The following TBCEL variants were observed in gnomAD, a reference collection of about 807,000 sequenced individuals.
TBCEL encodes the protein tubulin-specific chaperone cofactor E-like protein.
TBCEL carries 15 observed loss-of-function variants against 44.2 expected under a neutral mutation model. The observed-to-expected ratio is 0.34, with a 90% CI of 0.23 to 0.52. The LOEUF (loss-of-function observed/expected upper bound fraction) is 0.52, where lower values mean the gene tolerates loss of function less well. Ranked by LOEUF, TBCEL falls within the 20% of genes least tolerant of loss-of-function variation. The pLI, the probability that TBCEL is intolerant of heterozygous loss-of-function variation, is 0.95. For synonymous variants in TBCEL, 171 were observed against 185.4 expected, an observed-to-expected ratio of 0.92 and a Z score of 0.63; for missense variants, 319 against 506.3, an observed-to-expected ratio of 0.63 and a Z score of 3.55.
chr11:121,068,008 G>A (rs991528696), intron 8 of TBCEL, among the ~76,000 whole-genome samples: 1 of 152,156 alleles, frequency 6.6e-6, no homozygotes, highest in Admixed American at 6.5e-5. Flanking sequence ...AGTTACCCCA[G>A]GACTTAGTCC....
chr11:121,054,964 C>T (rs1945594210), intron 5 of TBCEL, 88 bp from the exon 6 acceptor site: 2 of 1,331,170 alleles, frequency 1.5e-6, no homozygotes, highest in East Asian at 5.0e-5. Flanking sequence ...ATAGTAGGCA[C>T]TTACTTATTT....
At position 121,084,696 on chromosome 11, in the gene TBCEL, A is replaced by G. The variant is rs1011857869; in HGVS notation, c.957-2082A>G. The stretch of plus-strand genomic sequence containing the variant: ...TAGGGTATTACAATTTTACTTTTCC[A>G]TAGTCTGAAGGTAAAACATCTCTAG... On this transcript the variant is annotated intron_variant, in intron 8 of 8. Transcript: ENST00000683345. Among the ~76,000 whole-genome samples the G allele has an allele frequency of 4.6e-5, 7 of 152,280 alleles. 1 individual carries two copies. The East Asian group carries it at 1.4e-3, about 29-fold the overall frequency.
intron 8 of TBCEL, among the ~76,000 whole-genome samples, chr11:121,082,715 T>C (rs1166888060): frequency 6.6e-6 from 1 of 152,216 alleles, no homozygotes. Context: ...ATAAAGTGCT[T>C]ACAAAATCTG....
At chr11:121,075,571 G>C (rs1427554184) in intron 8 of TBCEL, among the ~76,000 whole-genome samples, 1 of 151,972 alleles carries the variant, frequency 6.6e-6, no homozygotes, top group Non-Finnish European at 1.5e-5. Flanking sequence ...TGAGTTTGGG[G>C]AAGGTTAATA....
At chr11:121,059,501 T>A (rs915947365) in intron 7 of TBCEL, among the ~76,000 whole-genome samples, 5 of 151,948 alleles carry the variant, frequency 3.3e-5, no homozygotes, top group Admixed American at 6.6e-5. Flanking sequence ...AAATACTGGA[T>A]TTCAAATATT....
chr11:121,053,047 A>G (rs1178345261), intron 4 of TBCEL, among the ~76,000 whole-genome samples: 1 of 151,750 alleles, frequency 6.6e-6, no homozygotes, highest in Non-Finnish European at 1.5e-5. Context: ...CTTTGAACCA[A>G]ATTGAAACTG....
intron 8 of TBCEL, among the ~76,000 whole-genome samples, chr11:121,085,039 AATT>A (rs944279320): frequency 1.5e-4 from 22 of 150,110 alleles, no homozygotes; most frequent in Non-Finnish European, 2.7e-4. Context: ...TTATAATAAT[AATT>A]ATTATTATTT....
chr11:121,080,184 A>G (rs1946100525), intron 8 of TBCEL, among the ~76,000 whole-genome samples: 1 of 152,058 alleles, frequency 6.6e-6, no homozygotes. Context: ...GGGATTTTTC[A>G]TGTTTTGTTT....
chr11:121,027,015 T>C (rs559891409), intron 1 of TBCEL, among the ~76,000 whole-genome samples: 15 of 152,238 alleles, frequency 9.9e-5, no homozygotes, highest in Non-Finnish European at 2.2e-4. Context: ...ACTATGGTTT[T>C]GAAAATCAGA....
At chr11:121,042,503 C>A (rs1479934106) in intron 2 of TBCEL, among the ~76,000 whole-genome samples, 1 of 152,176 alleles carries the variant, frequency 6.6e-6, no homozygotes, top group East Asian at 1.9e-4. Flanking sequence ...TATATAGACA[C>A]TTAACACTGT....
At chr11:121,085,338 A>G (rs1410813123) in intron 8 of TBCEL, among the ~76,000 whole-genome samples, 3 of 152,180 alleles carry the variant, frequency 2.0e-5, no homozygotes, top group East Asian at 1.9e-4. Context: ...GTGCCTGGCA[A>G]TCTTATATTT....
intron 8 of TBCEL, among the ~76,000 whole-genome samples, chr11:121,063,266 A>T (rs599183): frequency 6.6e-6 from 1 of 152,246 alleles, no homozygotes; most frequent in Non-Finnish European, 1.5e-5. Context: ...AAATAGGAAC[A>T]ATTCAGAAAA....
At chr11:121,085,115 T>C (rs1458080470) in intron 8 of TBCEL, among the ~76,000 whole-genome samples, 4 of 152,052 alleles carry the variant, frequency 2.6e-5, no homozygotes, top group Non-Finnish European at 5.9e-5. Context: ...CTCGGCTCAC[T>C]GCAACTTCCA....
chr11:121,028,285 T>C (rs1212114644), intron 1 of TBCEL, among the ~76,000 whole-genome samples: 1 of 152,208 alleles, frequency 6.6e-6, no homozygotes, highest in Non-Finnish European at 1.5e-5. Context: ...TCAGAATCTC[T>C]GGTGGAATCT....
At chr11:121,069,991 A>C (rs925436044) in intron 8 of TBCEL, among the ~76,000 whole-genome samples, 3 of 152,248 alleles carry the variant, frequency 2.0e-5, no homozygotes, top group South Asian at 2.1e-4. Flanking sequence ...ATAGAAGAAG[A>C]AGCTGAACAA....
chr11:121,060,410 C>A (rs1383946626), intron 8 of TBCEL, among the ~76,000 whole-genome samples: 2 of 151,704 alleles, frequency 1.3e-5, no homozygotes, highest in African/African-American at 2.4e-5. Flanking sequence ...ACCTACCCCC[C>A]CAAATTAGTC....
chr11:121,090,667 A>G lies in TBCEL; in HGVS notation c.*3571A>G, dbSNP rs1252706643. The G allele has an allele frequency of 1.3e-5, 2 of 149,754 alleles. No homozygotes were observed. The highest frequency in any genetic ancestry group is 2.1e-4 in the South Asian group (1 of 4,798). 9.3% of individuals were successfully genotyped at this position (149,754 alleles called of 1,614,324 possible). A position where few individuals can be genotyped will look rare whatever the true frequency, so the allele number is the denominator to read the frequency against. ...TTAATGGAAATATATATACATATAT[A>G]TATATATTTTATTTAGAATATAATT... On this transcript the variant is annotated 3_prime_UTR_variant, in exon 9 of 9. Coordinates refer to ENST00000683345, the MANE Select transcript of TBCEL (RefSeq NM_001363644.2).
At chr11:121,025,143 A>G (rs975643610) in intron 1 of TBCEL, among the ~76,000 whole-genome samples, 8 of 152,214 alleles carry the variant, frequency 5.3e-5, no homozygotes, top group Admixed American at 4.6e-4. Flanking sequence ...GAGGAGCTCT[A>G]CTGTGAAGGT....
At chr11:121,068,708 ACC>A (rs1307339661) in intron 8 of TBCEL, among the ~76,000 whole-genome samples, 1 of 151,726 alleles carries the variant, frequency 6.6e-6, no homozygotes, top group Non-Finnish European at 1.5e-5. Flanking sequence ...ACATGGAGAG[ACC>A]CTGTCTCTAC....
Sources: allele counts gnomAD v4.1 joint callset (sites outside exome capture counted in the v4.1 genomes callset), GRCh38; gene constraint gnomAD v4.1.1; transcripts MANE v1.5; gene names NCBI Gene and HGNC (gene_info 2026-07-23, HGNC 2026-07-21).